The following SGCD variants were observed in gnomAD, a reference collection of about 807,000 sequenced individuals.
The protein encoded by SGCD is sarcoglycan delta, also known as delta-sarcoglycan.
SGCD carries 18 observed loss-of-function variants against 36.6 expected under a neutral mutation model. The ratio of observed to expected loss-of-function variants is 0.49; its 90% CI spans 0.34 to 0.73. The LOEUF is 0.73. Among genes scored for constraint, SGCD ranks in the 30% least tolerant of loss-of-function variants. SGCD has a pLI of 0.01. For synonymous variants in SGCD, 133 were observed against 130.6 expected (o/e 1.02, Z -0.12); for missense variants, 387 against 346.7 (o/e 1.12, Z -0.92).
intron 3 of SGCD, among the ~76,000 whole-genome samples, chr5:156,213,247 C>A (rs1011000140): frequency 1.1e-4 from 16 of 151,622 alleles, no homozygotes; most frequent in African/African-American, 3.4e-4. Flanking sequence ...AACTGTCAAA[C>A]CTTTAGCAAG....
intron 3 of SGCD, among the ~76,000 whole-genome samples, chr5:156,126,688 T>A (rs1441313735): frequency 6.6e-6 from 1 of 152,210 alleles, no homozygotes; most frequent in African/African-American, 2.4e-5. Context: ...ATTTTTCAGA[T>A]GTCTTTTCAA....
chr5:155,937,921 A>G (rs1182747699), intron 1 of SGCD, among the ~76,000 whole-genome samples: 6 of 152,206 alleles, frequency 3.9e-5, no homozygotes, highest in African/African-American at 1.4e-4. Flanking sequence ...GAGGTTCACA[A>G]GTTTGATGAT....
intron 3 of SGCD, among the ~76,000 whole-genome samples, chr5:156,385,496 T>C (rs1771228259): frequency 1.3e-5 from 2 of 152,320 alleles, no homozygotes; most frequent in African/African-American, 4.8e-5. Flanking sequence ...AGGAGAAGAT[T>C]TGTTTAAATT....
At chr5:156,469,953 T>A (rs1308301183) in intron 3 of SGCD, among the ~76,000 whole-genome samples, 3 of 152,210 alleles carry the variant, frequency 2.0e-5, no homozygotes, top group Non-Finnish European at 4.4e-5. Context: ...TCTCCAAAGT[T>A]CACACTGGTT....
upstream of SGCD, among the ~76,000 whole-genome samples, chr5:156,325,286 T>C (rs935796768): frequency 1.3e-5 from 2 of 151,834 alleles, no homozygotes; most frequent in African/African-American, 4.8e-5. Context: ...ACTCAAATAC[T>C]TTATTCTAGA....
chr5:155,808,907 A>G, the SGCD span, among the ~76,000 whole-genome samples: 1 of 152,210 alleles, frequency 6.6e-6, no homozygotes, highest in Non-Finnish European at 1.5e-5. Flanking sequence ...ACGTGGTAGA[A>G]CCACCTTCAC....
intron 3 of SGCD, among the ~76,000 whole-genome samples, chr5:156,275,219 C>T (rs921994144): frequency 6.6e-6 from 1 of 152,080 alleles, no homozygotes; most frequent in Non-Finnish European, 1.5e-5. Flanking sequence ...AGAAAGGCCT[C>T]AGACAGGATT....
At chr5:155,937,166 C>G (rs940332203) in intron 1 of SGCD, among the ~76,000 whole-genome samples, 19 of 152,310 alleles carry the variant, frequency 1.2e-4, no homozygotes, top group African/African-American at 4.3e-4. Context: ...CCCGGGTCTG[C>G]AGGCATGACT....
chr5:156,289,102 A>C (rs1445396259), intron 3 of SGCD, among the ~76,000 whole-genome samples: 1 of 152,044 alleles, frequency 6.6e-6, no homozygotes, highest in Non-Finnish European at 1.5e-5. Flanking sequence ...AGTCCTATAA[A>C]GTTCTCTGTT....
Position 156,502,542 on chromosome 5 carries a change from C to T in SGCD, c.193-6059C>T, listed in dbSNP as rs115194112. Reference sequence around the variant, plus strand: ...TTAGGATGGTATCTTGCTATGCTGCCCAGTTTGCTCTTAAACTCCTTGCCT... The same window carrying T: ...TTAGGATGGTATCTTGCTATGCTGCTCAGTTTGCTCTTAAACTCCTTGCCT... On this transcript the variant is annotated intron_variant, in intron 3 of 8. Transcript: ENST00000337851. Among the ~76,000 whole-genome samples the T allele has an allele frequency of 3.3e-5, 5 of 151,886 alleles. No homozygotes were observed. The East Asian group carries it at 9.7e-4, about 29-fold the overall frequency.
the SGCD span, among the ~76,000 whole-genome samples, chr5:155,748,988 G>T: frequency 2.6e-5 from 4 of 152,174 alleles, no homozygotes; most frequent in Non-Finnish European, 5.9e-5. Flanking sequence ...GGTAATGCTA[G>T]GAGTTAATAA....
chr5:155,998,991 A>G (rs1265776925), intron 1 of SGCD, among the ~76,000 whole-genome samples: 1 of 152,192 alleles, frequency 6.6e-6, no homozygotes, highest in Admixed American at 6.5e-5. Flanking sequence ...ACCCAAATCA[A>G]TCCTACACAT....
At chr5:156,431,019 T>C (rs1366967364) in intron 3 of SGCD, among the ~76,000 whole-genome samples, 2 of 152,122 alleles carry the variant, frequency 1.3e-5, no homozygotes, top group Non-Finnish European at 2.9e-5. Flanking sequence ...TGGGTAGATA[T>C]AATACTCAAT....
At chr5:156,000,686 C>T (rs1758645274) in intron 1 of SGCD, among the ~76,000 whole-genome samples, 1 of 152,086 alleles carries the variant, frequency 6.6e-6, no homozygotes, top group Non-Finnish European at 1.5e-5. Flanking sequence ...GCAGAAGCCC[C>T]TCCGAGGAAC....
At chr5:156,314,759 G>A (rs892917287) in intron 3 of SGCD, among the ~76,000 whole-genome samples, 3 of 152,056 alleles carry the variant, frequency 2.0e-5, no homozygotes, top group Non-Finnish European at 4.4e-5. Context: ...AGAGGGAAGA[G>A]AGGGAAGAGA....
At chr5:156,603,764 G>T (rs1349707013) in intron 6 of SGCD, among the ~76,000 whole-genome samples, 2 of 151,966 alleles carry the variant, frequency 1.3e-5, no homozygotes, top group Admixed American at 6.5e-5. Flanking sequence ...GAAAAAAAAT[G>T]CTTGATATAA....
chr5:156,539,392 T>C (rs972186478), intron 4 of SGCD, among the ~76,000 whole-genome samples: 1 of 151,928 alleles, frequency 6.6e-6, no homozygotes, highest in African/African-American at 2.4e-5. Context: ...CAATATGTAG[T>C]CTTCTATCCC....
intron 7 of SGCD, among the ~76,000 whole-genome samples, chr5:156,754,094 C>G (rs545460399): frequency 6.6e-6 from 1 of 152,260 alleles, no homozygotes; most frequent in East Asian, 1.9e-4. Flanking sequence ...TTCTCACCAC[C>G]CTGGTTCTTT....
intron 1 of SGCD, among the ~76,000 whole-genome samples, chr5:156,041,639 G>C (rs1252874767): frequency 6.6e-6 from 1 of 152,142 alleles, no homozygotes; most frequent in Admixed American, 6.6e-5. Context: ...TTTCGCAACT[G>C]TGTGAAAGAT....
Sources: allele counts gnomAD v4.1 joint callset (sites outside exome capture counted in the v4.1 genomes callset), GRCh38; gene constraint gnomAD v4.1.1; transcripts MANE v1.5; gene names NCBI Gene and HGNC (gene_info 2026-07-23, HGNC 2026-07-21).